Variants in TANC1 observed in about 807,000 individuals in gnomAD.
TANC1 encodes the protein tetratricopeptide repeat, ankyrin repeat and coiled-coil containing 1.
Under a neutral mutation model 149.7 loss-of-function variants are expected in TANC1, and 77 were observed. The ratio of observed to expected loss-of-function variants is 0.51; its 90% CI spans 0.43 to 0.62. The LOEUF is 0.62. Among genes scored for constraint, TANC1 ranks in the 20% least tolerant of loss-of-function variants. The pLI, the probability that TANC1 is intolerant of heterozygous loss-of-function variation, is 0.00. For synonymous variants in TANC1, 854 were observed against 925.0 expected, an observed-to-expected ratio of 0.92 and a Z score of 1.39; for missense variants, 1,985 against 2,321.8, an observed-to-expected ratio of 0.85 and a Z score of 2.98.
intron 19 of TANC1, among the ~76,000 whole-genome samples, chr2:159,207,697 CAAAAAAAAAAAAAAAA>C (rs10603858): frequency 2.0e-5 from 1 of 49,434 alleles, no homozygotes; most frequent in South Asian, 1.4e-3. Flanking sequence ...ACACGTGTCT[CAAAAAAAAAAAAAAAA>C]AAAAAAAAAA....
chr2:159,055,399 C>T (rs950147107), intron 2 of TANC1, among the ~76,000 whole-genome samples: 2 of 152,132 alleles, frequency 1.3e-5, no homozygotes, highest in African/African-American at 2.4e-5. Context: ...TTCTTTGAGG[C>T]GTGTATTCTG....
intron 5 of TANC1, chr2:159,148,326 T>A (rs573686159): frequency 5.9e-5 from 9 of 152,374 alleles, no homozygotes; most frequent in African/African-American, 2.2e-4. Flanking sequence ...TTTGGGCTTT[T>A]TGGGTACAGG....
intron 3 of TANC1, among the ~76,000 whole-genome samples, chr2:159,086,403 C>G (rs1350756529): frequency 6.6e-6 from 1 of 152,052 alleles, no homozygotes; most frequent in Non-Finnish European, 1.5e-5. Flanking sequence ...ATAGGAAAGA[C>G]CATCTGACAT....
At chr2:158,975,628 G>A (rs577153433) in intron 1 of TANC1, among the ~76,000 whole-genome samples, 18 of 151,466 alleles carry the variant, frequency 1.2e-4, no homozygotes, top group Non-Finnish European at 2.2e-4. Flanking sequence ...TAGAGACAGG[G>A]TCTCACCATG....
chr2:159,133,977 C>G (rs1315064452), intron 4 of TANC1, among the ~76,000 whole-genome samples: 1 of 152,096 alleles, frequency 6.6e-6, no homozygotes, highest in Non-Finnish European at 1.5e-5. Context: ...TGTAGTATGC[C>G]TTTAGATGGC....
intron 4 of TANC1, among the ~76,000 whole-genome samples, chr2:159,101,702 C>T (rs2046728473): frequency 6.6e-6 from 1 of 152,142 alleles, no homozygotes; most frequent in Non-Finnish European, 1.5e-5. Context: ...TGCTGTTTTC[C>T]AGAGAAGAGA....
At chr2:159,060,407 T>G (rs1196569609) in intron 2 of TANC1, among the ~76,000 whole-genome samples, 1 of 152,218 alleles carries the variant, frequency 6.6e-6, no homozygotes, top group Non-Finnish European at 1.5e-5. Context: ...GTTTTAAGGT[T>G]AATTCAGATG....
intron 1 of TANC1, among the ~76,000 whole-genome samples, chr2:158,987,735 G>A (rs2035173856): frequency 6.6e-6 from 1 of 152,132 alleles, no homozygotes. Context: ...CCCTGGACAG[G>A]TTACACAGCC....
intron 1 of TANC1, among the ~76,000 whole-genome samples, chr2:159,000,309 G>A (rs2036513278): frequency 6.6e-6 from 1 of 152,166 alleles, no homozygotes; most frequent in Non-Finnish European, 1.5e-5. Context: ...GCACCAGGGC[G>A]GGAAGCTGGG....
At chr2:159,004,021 T>C in intron 2 of TANC1, 1 of 1,612,318 alleles carries the variant, frequency 6.2e-7, no homozygotes, top group East Asian at 2.2e-5. Flanking sequence ...GAGGTGAACA[T>C]GATTAAAGAT....
chr2:159,037,180 T>C (rs775896413), intron 2 of TANC1, among the ~76,000 whole-genome samples: 32 of 152,328 alleles, frequency 2.1e-4, no homozygotes, highest in Non-Finnish European at 4.1e-4. Context: ...TGTCTGTTCA[T>C]TTCCTTTGCC....
chr2:159,044,709 TG>T (rs1382469116), intron 2 of TANC1, among the ~76,000 whole-genome samples: 3 of 152,072 alleles, frequency 2.0e-5, no homozygotes, highest in Non-Finnish European at 4.4e-5. Flanking sequence ...AATGGCTGAC[TG>T]GGGGCATTGG....
At chr2:158,985,977 T>C (rs948741364) in intron 1 of TANC1, among the ~76,000 whole-genome samples, 2 of 152,226 alleles carry the variant, frequency 1.3e-5, no homozygotes, top group Admixed American at 6.5e-5. Flanking sequence ...GTGAATCTTG[T>C]GCTTTTTGAA....
intron 5 of TANC1, among the ~76,000 whole-genome samples, chr2:159,143,062 C>A (rs1338362683): frequency 3.1e-3 from 270 of 87,204 alleles, no homozygotes; most frequent in African/African-American, 6.3e-3. Context: ...GACTCTGTCT[C>A]AAAAAAAAAA....
chr2:159,217,707 C>T (rs369430792), intron 20 of TANC1, 77 bp downstream of exon 20: 17 of 1,543,236 alleles, frequency 1.1e-5, no homozygotes, highest in African/African-American at 4.1e-5. Context: ...CCCCTGAGAA[C>T]ACAATGCAGC....
At chr2:159,005,683 G>C (rs887839566) in intron 2 of TANC1, among the ~76,000 whole-genome samples, 1 of 151,604 alleles carries the variant, frequency 6.6e-6, no homozygotes, top group Non-Finnish European at 1.5e-5. Flanking sequence ...TTATAATTTT[G>C]TTATGAGGAT....
chr2:159,024,855 C>T (rs2039132979), intron 2 of TANC1, among the ~76,000 whole-genome samples: 1 of 152,122 alleles, frequency 6.6e-6, no homozygotes, highest in Non-Finnish European at 1.5e-5. Flanking sequence ...CATTGTGCTA[C>T]ATTTGCCTAC....
rs757050420 is a variant in TANC1 at position 159,175,015 on chromosome 2, G to A, written c.1566G>A (p.Val522=). The A allele has an allele frequency of 7.4e-6, 12 of 1,614,052 alleles. No homozygotes were observed. The highest frequency in any genetic ancestry group is 9.3e-6 in the Non-Finnish European group (11 of 1,180,050). The part of the protein sequence containing the change: ...NTYTCLVPEF[V]HSIAALLCRS... ...ACACTTGCCTGGTGCCCGAGTTTGT[G>A]CACAGCATCGCAGCTTTGCTCTGCC... is the stretch of plus-strand genomic sequence containing the variant. Residue 522 remains valine, a synonymous_variant, in exon 12 of 27, where the codon GTG becomes GTA. Coordinates refer to ENST00000263635, the MANE Select transcript of TANC1 (RefSeq NM_033394.3).
intron 2 of TANC1, among the ~76,000 whole-genome samples, chr2:159,046,589 CTTTTTTTT>C (rs57208685): frequency 0.01 from 861 of 84,366 alleles, 29 homozygotes; most frequent in Admixed American, 0.096. Flanking sequence ...CTTTTCTTTA[CTTTTTTTT>C]TTTTTTTTTT....
Sources: gnomAD v4.1 joint callset for allele counts (sites outside exome capture counted in the v4.1 genomes callset) on GRCh38, gnomAD v4.1.1 for gene constraint, MANE v1.5 for transcripts, NCBI Gene and HGNC (gene_info 2026-07-23, HGNC 2026-07-21) for gene names.